AQR: variants seen among roughly 807,000 people sequenced by gnomAD.
AQR encodes aquarius intron-binding spliceosomal factor.
Under a neutral mutation model 180.5 loss-of-function variants are expected in AQR, and 61 were observed. The observed-to-expected ratio is 0.34, with a 90% CI of 0.28 to 0.42. AQR has a LOEUF of 0.42. Ranked by LOEUF, AQR falls within the 10% of genes least tolerant of loss-of-function variation. The pLI is 1.00. For synonymous variants in AQR, 551 were observed against 588.8 expected (o/e 0.94, Z 0.93); for missense variants, 1,281 against 1,798.3 (o/e 0.71, Z 5.20).
intron 18 of AQR, among the ~76,000 whole-genome samples, chr15:34,905,204 T>A (rs549586898): frequency 6.6e-6 from 1 of 152,072 alleles, no homozygotes; most frequent in Non-Finnish European, 1.5e-5. Flanking sequence ...TTTCCTCTCA[T>A]TCTAGAGATA....
intron 19 of AQR, among the ~76,000 whole-genome samples, chr15:34,901,269 C>T (rs1355154915): frequency 2.0e-5 from 3 of 152,044 alleles, no homozygotes; most frequent in Non-Finnish European, 4.4e-5. Context: ...CTTTATATTC[C>T]ATAGTTCTTT....
intron 29 of AQR, 183 bp downstream of exon 29, chr15:34,874,494 A>G (rs1892864788): frequency 1.8e-6 from 1 of 560,356 alleles, no homozygotes. Context: ...AATGAAGGAA[A>G]TAAATTATTT....
intron 13 of AQR, among the ~76,000 whole-genome samples, chr15:34,921,416 A>C (rs1893682875): frequency 6.7e-6 from 1 of 148,988 alleles, no homozygotes; most frequent in Non-Finnish European, 1.5e-5. Flanking sequence ...CCTGGGCAAA[A>C]GAGCGAGACT....
At chr15:34,869,128 C>T (rs952052619) in intron 31 of AQR, 28 of 152,088 alleles carry the variant, frequency 1.8e-4, no homozygotes, top group African/African-American at 6.3e-4. Context: ...TCTAGAACCC[C>T]AGTTCTAGAG....
At chr15:34,876,060 A>G in intron 27 of AQR, 54 bp from the exon 28 acceptor site, 1 of 1,289,926 alleles carries the variant, frequency 7.8e-7, no homozygotes, top group Non-Finnish European at 1.1e-6. Flanking sequence ...AACAACTACC[A>G]TCATAAACAT....
chr15:34,941,003 A>C lies in AQR; in HGVS notation c.541-4T>G. 7.6e-6 allele frequency: 12 copies of C among 1,584,322 alleles called. No individual in the cohort carries two copies. Among genetic ancestry groups the C allele is most frequent in the Non-Finnish European group, 1.0e-5 (12 of 1,158,472 alleles). On this transcript the variant is annotated splice_region_variant and splice_polypyrimidine_tract_variant and intron_variant, in intron 7 of 34. Transcript: ENST00000156471. ...TTAATTCTAATTCCAATCGTGCCTG[A>C]AGAAGAGATGTGTTATTAAATTACC... is the stretch of plus-strand genomic sequence containing the variant.
At position 34,896,815 on chromosome 15, in the gene AQR, C is replaced by A; in HGVS notation, c.2460+82G>T. 3.1e-6 allele frequency: 4 copies of A among 1,279,292 alleles called. No individual in the cohort carries two copies. The South Asian group carries it at 4.9e-5, about 16-fold the overall frequency. 79.2% of individuals were successfully genotyped at this position (1,279,292 alleles called of 1,614,324 possible). A position where few individuals can be genotyped will look rare whatever the true frequency, so the allele number is the denominator to read the frequency against. ...AGTGAGCTGAGATCGCGCCACTGCA[C>A]TCCGGCATGGGCAACAAAAGTGAAA... On this transcript the variant is annotated intron_variant, in intron 22 of 34. Transcript: ENST00000156471.
intron 13 of AQR, among the ~76,000 whole-genome samples, chr15:34,924,488 G>A (rs980525825): frequency 6.6e-6 from 1 of 151,144 alleles, no homozygotes; most frequent in African/African-American, 2.4e-5. Flanking sequence ...CTGGAGTGCA[G>A]TGGCACGATC....
intron 22 of AQR, 43 bp from the exon 23 acceptor site, chr15:34,893,816 A>C: frequency 6.5e-7 from 1 of 1,534,328 alleles, no homozygotes; most frequent in Non-Finnish European, 9.0e-7. Context: ...AAGTCATCAC[A>C]GTTATCACAC....
chr15:34,896,812 G>A, intron 22 of AQR, 85 bp downstream of exon 22: 1 of 1,210,258 alleles, frequency 8.3e-7, no homozygotes, highest in Non-Finnish European at 1.2e-6. Flanking sequence ...TCGCGCCACT[G>A]CACTCCGGCA....
intron 13 of AQR, among the ~76,000 whole-genome samples, chr15:34,922,916 A>T (rs1893703395): frequency 6.6e-6 from 1 of 152,058 alleles, no homozygotes; most frequent in Non-Finnish European, 1.5e-5. Context: ...CCATGGGCTT[A>T]TTGACATCTA....
rs1013523659 is a variant in AQR, at chr15:34,892,097, T to A, written c.2571+1566A>T. Among the ~76,000 whole-genome samples the A allele has an allele frequency of 3.3e-5, 5 of 152,176 alleles. No homozygotes were observed. The East Asian group carries it at 5.8e-4, about 18-fold the overall frequency. ...TCAACTGAAGTCACCACTGTTAACA[T>A]AAACTCCGAGAAAAAACTTTCAGAG... On this transcript the variant is annotated intron_variant, in intron 23 of 34. Coordinates refer to ENST00000156471, the MANE Select transcript of AQR (RefSeq NM_014691.3).
chr15:34,946,750 G>A lies in AQR; in HGVS notation c.330+1514C>T, dbSNP rs1448949384. On this transcript the variant is annotated intron_variant, in intron 5 of 34. Transcript: ENST00000156471. ...CCGGCCAGCCGCCCCGTCCGGGAGGGAGGGAGGTGGGGGGGTCAGCCCCCC... is the reference window on the plus strand; with the variant it reads ...CCGGCCAGCCGCCCCGTCCGGGAGGAAGGGAGGTGGGGGGGTCAGCCCCCC... 1.9e-4 allele frequency among the ~76,000 whole-genome samples: 27 copies of A among 145,670 alleles called. 1 individual carries two copies. The highest frequency in any genetic ancestry group is 5.4e-4 in the Admixed American group (8 of 14,944).
intron 16 of AQR, among the ~76,000 whole-genome samples, chr15:34,911,059 A>G (rs541397963): frequency 6.6e-6 from 1 of 152,308 alleles, no homozygotes; most frequent in South Asian, 2.1e-4. Flanking sequence ...GGCTTAATAC[A>G]TTTAGCATAA....
intron 5 of AQR, 99 bp downstream of exon 5, chr15:34,948,165 G>T: frequency 7.4e-7 from 1 of 1,353,168 alleles, no homozygotes; most frequent in Non-Finnish European, 9.9e-7. Context: ...ACTGGGTAAA[G>T]TTCTGCTCTA....
At chr15:34,863,112 A>T in intron 32 of AQR, 71 bp from the exon 33 acceptor site, 1 of 1,326,090 alleles carries the variant, frequency 7.5e-7, no homozygotes, top group South Asian at 1.5e-5. Context: ...TTTTTTTTTC[A>T]CAGATTTCAT....
Position 34,852,178 on chromosome 15 carries a change from T to G in AQR, c.*4614A>C, listed in dbSNP as rs1377570517. On this transcript the variant is annotated 3_prime_UTR_variant, in exon 35 of 35. Coordinates refer to ENST00000156471, the MANE Select transcript of AQR (RefSeq NM_014691.3). ...GGAAATAGCTACCTAAGTTATGTTTTTTTTTTTTTTTTGAAGGAGTTTTTG... is the reference window on the plus strand; with the variant it reads ...GGAAATAGCTACCTAAGTTATGTTTGTTTTTTTTTTTTGAAGGAGTTTTTG... 2 of 151,992 alleles carry G rather than the reference T, an allele frequency of 1.3e-5. No homozygotes were observed. The highest frequency in any genetic ancestry group is 2.1e-4 in the South Asian group (1 of 4,826). The allele number at this position is 151,992 out of a possible 1,614,324, so 9.4% of individuals were successfully genotyped here.
chr15:34,960,600 A>C (rs988641973), intron 3 of AQR, among the ~76,000 whole-genome samples, 174 bp downstream of exon 3: 1 of 152,194 alleles, frequency 6.6e-6, no homozygotes, highest in African/African-American at 2.4e-5. Context: ...AAAAGTTAGA[A>C]GGCAAAAAAT....
chr15:34,857,870 A>G (rs1326023398), intron 34 of AQR, among the ~76,000 whole-genome samples: 2 of 152,254 alleles, frequency 1.3e-5, no homozygotes, highest in African/African-American at 4.8e-5. Flanking sequence ...GTTCAACCAG[A>G]AAACTGGAGC....
Sources: gnomAD v4.1 joint callset for allele counts (sites outside exome capture counted in the v4.1 genomes callset) on GRCh38, gnomAD v4.1.1 for gene constraint, MANE v1.5 for transcripts, NCBI Gene and HGNC (gene_info 2026-07-23, HGNC 2026-07-21) for gene names.